Variants in ANO1 observed in about 807,000 individuals in gnomAD.
The protein encoded by ANO1 is anoctamin-1.
Under a neutral mutation model 124.0 loss-of-function variants are expected in ANO1, and 59 were observed. The ratio of observed to expected loss-of-function variants is 0.48; its 90% CI spans 0.39 to 0.59. The LOEUF is 0.59. Ranked by LOEUF, ANO1 falls within the 20% of genes least tolerant of loss-of-function variation. The probability of loss-of-function intolerance (pLI) is 0.00; values close to 1 mark genes in which losing one functional copy is unlikely to be tolerated. For missense variants in ANO1, 1,059 were observed against 1,328.0 expected (o/e 0.80, Z 3.15); for synonymous variants, 529 against 532.0 (o/e 0.99, Z 0.08).
intron 21 of ANO1, chr11:70,170,176 C>T (rs2048402823): frequency 4.4e-6 from 2 of 455,388 alleles, no homozygotes; most frequent in Non-Finnish European, 4.4e-6. Flanking sequence ...AGGCAGGTCC[C>T]CCAGGTCCCA....
intron 24 of ANO1, 107 bp downstream of exon 24, chr11:70,182,793 A>C: frequency 2.9e-6 from 3 of 1,038,136 alleles, no homozygotes; most frequent in Non-Finnish European, 2.6e-6. Flanking sequence ...AACAACGCAA[A>C]CTTGCTTAAA....
rs907167664 is a variant in ANO1 at position 70,173,772 on chromosome 11, C to T, written c.2350+2733C>T. On this transcript the variant is annotated intron_variant, in intron 22 of 25. Coordinates refer to ENST00000355303, the MANE Select transcript of ANO1 (RefSeq NM_018043.7). The stretch of plus-strand genomic sequence containing the variant: ...ACTTTAAAGTGAAAAAGGCCAGGGC[C>T]GGGCGCAGTGGCTCACGCCTGTAAT... Among the ~76,000 whole-genome samples the T allele has an allele frequency of 4.6e-5, 7 of 152,268 alleles. No individual in the cohort carries two copies. The East Asian group carries it at 7.8e-4, about 17-fold the overall frequency.
chr11:70,069,646 C>A (rs890030609), intron 1 of ANO1, among the ~76,000 whole-genome samples: 1 of 152,228 alleles, frequency 6.6e-6, no homozygotes, highest in African/African-American at 2.4e-5. Context: ...CAGATGTAAT[C>A]ATTCCTGCTT....
chr11:70,177,257 G>A (rs549743852), intron 22 of ANO1, among the ~76,000 whole-genome samples: 2 of 152,350 alleles, frequency 1.3e-5, no homozygotes, highest in Admixed American at 6.5e-5. Context: ...ACCCCACTTC[G>A]GAGGTCTCAA....
intron 6 of ANO1, among the ~76,000 whole-genome samples, chr11:70,109,850 G>A (rs909947927): frequency 2.0e-5 from 3 of 152,164 alleles, no homozygotes; most frequent in African/African-American, 7.2e-5. Flanking sequence ...GTTTTGTGGC[G>A]GGGCTGGTTC....
chr11:70,036,421 A>T (rs926367907), intron 1 of ANO1, among the ~76,000 whole-genome samples: 1 of 152,222 alleles, frequency 6.6e-6, no homozygotes, highest in South Asian at 2.1e-4. Context: ...AAATAAGTTC[A>T]CGGTCACAGG....
chr11:69,994,354 G>A (rs1014435059), intron 1 of ANO1, among the ~76,000 whole-genome samples: 18 of 151,160 alleles, frequency 1.2e-4, no homozygotes, highest in Admixed American at 6.6e-5. Flanking sequence ...CTCCCTGGGT[G>A]GATGGGTGGA....
chr11:70,094,091 A>G (rs1449810741), intron 2 of ANO1, among the ~76,000 whole-genome samples: 2 of 152,224 alleles, frequency 1.3e-5, no homozygotes, highest in African/African-American at 4.8e-5. Context: ...AGAGCTGGCC[A>G]GCGTTGGCTG....
At chr11:70,062,795 C>A (rs911987989) in intron 1 of ANO1, among the ~76,000 whole-genome samples, 1 of 152,206 alleles carries the variant, frequency 6.6e-6, no homozygotes. Flanking sequence ...TTTGAAAGCT[C>A]CTTGGGTGAA....
At chr11:70,187,356 T>C (rs1448486817) in intron 25 of ANO1, among the ~76,000 whole-genome samples, 1 of 152,250 alleles carries the variant, frequency 6.6e-6, no homozygotes, top group Non-Finnish European at 1.5e-5. Flanking sequence ...TGGGACGCTT[T>C]GCAAACTGTA....
In ANO1 at chr11:70,000,024, G is replaced by A. The variant is rs140523208; in HGVS notation, c.58+13858G>A. Among the ~76,000 whole-genome samples, 655 of 152,250 alleles carry A rather than the reference G, an allele frequency of 4.3e-3. 5 individuals are homozygous for A. The highest frequency in any genetic ancestry group is 7.6e-3 in the Non-Finnish European group (518 of 68,022). ...CTGAGCCAGGTGTAACCAAATGCTC[G>A]CTGCTGCCAAGATAAAGTCTCAGGA... On this transcript the variant is annotated intron_variant, in intron 1 of 27. Transcript: ENST00000531349.
At chr11:70,095,412 A>AAG (rs2044894052) in intron 2 of ANO1, among the ~76,000 whole-genome samples, 2 of 70,478 alleles carry the variant, frequency 2.8e-5, no homozygotes, top group African/African-American at 8.6e-5. Context: ...GAAAGAAAGA[A>AAG]AGAAAGAAAG....
chr11:70,189,298 G>A lies in ANO1; in HGVS notation c.*1294G>A, dbSNP rs1283117708. ...CTTTAATCTGCCAACTGTGGTCAAA[G>A]TTCATAGGTGTCGTACATTTCCATT... On this transcript the variant is annotated 3_prime_UTR_variant, in exon 26 of 26. Transcript: ENST00000355303. 1 of 152,606 alleles carries A rather than the reference G, an allele frequency of 6.6e-6. No homozygotes were observed. Among genetic ancestry groups the A allele is most frequent in the African/African-American group, 2.4e-5 (1 of 41,446 alleles). The allele number at this position is 152,606 out of a possible 1,614,324, so 9.5% of individuals were successfully genotyped here. A position where few individuals can be genotyped will look rare whatever the true frequency, so the allele number is the denominator to read the frequency against.
At chr11:70,152,222 C>T (rs2047628449) in intron 12 of ANO1, among the ~76,000 whole-genome samples, 1 of 151,544 alleles carries the variant, frequency 6.6e-6, no homozygotes, top group Non-Finnish European at 1.5e-5. Context: ...TGTATCCCAG[C>T]TACTCAGGAG....
At chr11:70,122,103 T>C (rs1217915290) in intron 8 of ANO1, among the ~76,000 whole-genome samples, 1 of 75,084 alleles carries the variant, frequency 1.3e-5, no homozygotes, top group Non-Finnish European at 2.6e-5. Context: ...CTCCCCCACC[T>C]CTCTCTGTCT....
At chr11:70,039,569 C>T (rs187040654) in intron 1 of ANO1, among the ~76,000 whole-genome samples, 258 of 151,132 alleles carry the variant, frequency 1.7e-3, no homozygotes, top group African/African-American at 5.9e-3. Flanking sequence ...CCTCCCCTTC[C>T]GCAGGTGGTA....
chr11:70,174,318 C>T (rs1436931020), intron 22 of ANO1, among the ~76,000 whole-genome samples: 4 of 151,044 alleles, frequency 2.6e-5, no homozygotes. Flanking sequence ...ATCGCATGAA[C>T]CCGGGAGGCG....
chr11:70,159,081 G>T (rs181848435), intron 16 of ANO1, among the ~76,000 whole-genome samples: 4 of 152,326 alleles, frequency 2.6e-5, no homozygotes, highest in Non-Finnish European at 5.9e-5. Flanking sequence ...GGAGGTGGCC[G>T]TCTAGGGCTG....
chr11:70,030,872 A>T (rs1352800881), intron 1 of ANO1, among the ~76,000 whole-genome samples: 13 of 152,214 alleles, frequency 8.5e-5, no homozygotes, highest in African/African-American at 2.9e-4. Context: ...AGGAAGAGAA[A>T]CACCCCCCGT....
Sources: gnomAD v4.1 joint callset for allele counts (sites outside exome capture counted in the v4.1 genomes callset) on GRCh38, gnomAD v4.1.1 for gene constraint, MANE v1.5 for transcripts, NCBI Gene and HGNC (gene_info 2026-07-23, HGNC 2026-07-21) for gene names.